Variants in RAB38 observed in about 807,000 individuals in gnomAD.
The protein encoded by RAB38 is RAB38, member RAS oncogene family, also known as ras-related protein Rab-38.
Under a neutral mutation model 18.4 loss-of-function variants are expected in RAB38, and 15 were observed. That is an observed-to-expected ratio of 0.82 (90% CI 0.55 to 1.26). The LOEUF (loss-of-function observed/expected upper bound fraction) is 1.26, where lower values mean the gene tolerates loss of function less well. RAB38 is among the 50% of genes most tolerant of loss of function. The pLI is 0.00. For missense variants in RAB38, 294 were observed against 267.4 expected, an observed-to-expected ratio of 1.10 and a Z score of -0.69; for synonymous variants, 101 against 104.4, an observed-to-expected ratio of 0.97 and a Z score of 0.20.
chr11:88,008,975 A>G, the RAB38 span, among the ~76,000 whole-genome samples: 3 of 152,192 alleles, frequency 2.0e-5, no homozygotes, highest in African/African-American at 4.8e-5. Context: ...CCCGGCGGAA[A>G]TAACAGTTGC....
the RAB38 span, among the ~76,000 whole-genome samples, chr11:87,814,512 T>G: frequency 6.6e-6 from 1 of 152,190 alleles, no homozygotes; most frequent in Admixed American, 6.5e-5. Flanking sequence ...AAAGCACTAA[T>G]GTATAAGTGC....
At chr11:87,840,327 T>G in the RAB38 span, among the ~76,000 whole-genome samples, 1 of 152,152 alleles carries the variant, frequency 6.6e-6, no homozygotes, top group African/African-American at 2.4e-5. Context: ...TCATGATGGG[T>G]CTTGGATTTC....
the RAB38 span, among the ~76,000 whole-genome samples, chr11:87,887,502 C>G: frequency 0.63 from 95,900 of 151,894 alleles, 32,863 homozygotes; most frequent in Non-Finnish European, 0.77. Flanking sequence ...GTCTGAGCAC[C>G]CTGGGTTAAA....
chr11:87,852,702 G>A, the RAB38 span, among the ~76,000 whole-genome samples: 1 of 152,010 alleles, frequency 6.6e-6, no homozygotes, highest in Non-Finnish European at 1.5e-5. Context: ...ACTGAATGAC[G>A]CTAGAAATAC....
At chr11:88,039,499 T>G in the RAB38 span, among the ~76,000 whole-genome samples, 62 of 152,178 alleles carry the variant, frequency 4.1e-4, no homozygotes, top group African/African-American at 1.4e-3. Context: ...TGAGGAAAAA[T>G]GCAGAAAAGT....
At chr11:88,148,978 G>A (rs1267220117) in intron 2 of RAB38, among the ~76,000 whole-genome samples, 2 of 151,860 alleles carry the variant, frequency 1.3e-5, no homozygotes, top group African/African-American at 2.4e-5. Context: ...AACAAAAAGA[G>A]AGTAGAACAA....
the RAB38 span, among the ~76,000 whole-genome samples, chr11:87,880,253 T>C: frequency 1.3e-5 from 2 of 151,944 alleles, no homozygotes; most frequent in East Asian, 2.0e-4. Flanking sequence ...AAAATGACTA[T>C]GTTTTGTAGC....
At chr11:87,973,443 G>C in the RAB38 span, among the ~76,000 whole-genome samples, 2 of 151,614 alleles carry the variant, frequency 1.3e-5, no homozygotes, top group African/African-American at 4.8e-5. Flanking sequence ...TCAGTATTGT[G>C]AGCTTTGAAA....
At chr11:88,122,345 A>G (rs957951681) in intron 2 of RAB38, among the ~76,000 whole-genome samples, 2 of 152,252 alleles carry the variant, frequency 1.3e-5, no homozygotes, top group African/African-American at 4.8e-5. Context: ...TTACTGAAAC[A>G]GTGCTGGGAT....
chr11:88,039,899 G>C, the RAB38 span, among the ~76,000 whole-genome samples: 1 of 152,174 alleles, frequency 6.6e-6, no homozygotes, highest in Non-Finnish European at 1.5e-5. Flanking sequence ...TGCTGCATCT[G>C]ATCAGGAAAT....
At chr11:87,808,815 T>A in the RAB38 span, among the ~76,000 whole-genome samples, 85 of 152,064 alleles carry the variant, frequency 5.6e-4, no homozygotes, top group African/African-American at 2.0e-3. Flanking sequence ...AGATAAAAAA[T>A]AAAATACAAA....
At chr11:87,936,207 C>T in the RAB38 span, among the ~76,000 whole-genome samples, 1 of 151,904 alleles carries the variant, frequency 6.6e-6, no homozygotes, top group Non-Finnish European at 1.5e-5. Flanking sequence ...AGTCTATAAA[C>T]TCTTTGCCTA....
chr11:88,096,661 A>C, the RAB38 span, among the ~76,000 whole-genome samples: 1 of 151,974 alleles, frequency 6.6e-6, no homozygotes, highest in Non-Finnish European at 1.5e-5. Flanking sequence ...AAAACAAAGA[A>C]AAAAAGAAAG....
chr11:87,835,641 A>T, the RAB38 span, among the ~76,000 whole-genome samples: 1 of 152,142 alleles, frequency 6.6e-6, no homozygotes, highest in Non-Finnish European at 1.5e-5. Context: ...AAATTTTGTC[A>T]TAGTCATATA....
At chr11:87,862,377 G>C in the RAB38 span, among the ~76,000 whole-genome samples, 2 of 152,022 alleles carry the variant, frequency 1.3e-5, no homozygotes, top group South Asian at 4.2e-4. Context: ...GATGGGGGTG[G>C]AGGCCGTTAT....
chr11:88,143,813 T>C (rs1196298192), intron 2 of RAB38, among the ~76,000 whole-genome samples: 1 of 152,224 alleles, frequency 6.6e-6, no homozygotes, highest in Non-Finnish European at 1.5e-5. Flanking sequence ...TTATAGCCTC[T>C]GATCGTTCAT....
chr11:88,160,020 T>C (rs7113344), intron 1 of RAB38, among the ~76,000 whole-genome samples: 37,859 of 151,806 alleles, frequency 0.25, 4,753 homozygotes, highest in Admixed American at 0.27. Flanking sequence ...GCAAAAGAAA[T>C]TATCAACAGA....
At chr11:88,121,615 T>G (rs1942630176) in intron 2 of RAB38, among the ~76,000 whole-genome samples, 1 of 151,734 alleles carries the variant, frequency 6.6e-6, no homozygotes, top group African/African-American at 2.4e-5. Flanking sequence ...CAGGCTGGAG[T>G]GCAGTGGCAC....
At chr11:87,977,530 A>AATTAT in the RAB38 span, among the ~76,000 whole-genome samples, 8,705 of 97,064 alleles carry the variant, frequency 0.09, 1,249 homozygotes, top group Non-Finnish European at 0.11. Flanking sequence ...TAGATAATAT[A>AATTAT]ATTATATCAT....
Sources: gnomAD v4.1 joint callset for allele counts (sites outside exome capture counted in the v4.1 genomes callset) on GRCh38, gnomAD v4.1.1 for gene constraint, MANE v1.5 for transcripts, NCBI Gene and HGNC (gene_info 2026-07-23, HGNC 2026-07-21) for gene names.